The following RLIG1 variants were observed in gnomAD, a reference collection of about 807,000 sequenced individuals.
RLIG1 encodes the protein RNA ligase 1.
the RLIG1 span, among the ~76,000 whole-genome samples, chr12:88,038,504 A>G: frequency 1.3e-5 from 2 of 152,156 alleles, no homozygotes; most frequent in Non-Finnish European, 2.9e-5. Context: ...AAGAGTCAAG[A>G]GATTTGTTTT....
At chr12:88,040,184 A>C in the RLIG1 span, 3 of 1,611,072 alleles carry the variant, frequency 1.9e-6, no homozygotes, top group South Asian at 3.3e-5. Flanking sequence ...TGTAAGTCAC[A>C]AGGCATTAGA....
At chr12:88,049,736 G>C in the RLIG1 span, 1 of 176,490 alleles carries the variant, frequency 5.7e-6, no homozygotes, top group Admixed American at 6.3e-5. Flanking sequence ...AAAAGATTTT[G>C]TGATTCATAA....
At chr12:88,035,563 G>A in the RLIG1 span, 2 of 1,372,830 alleles carry the variant, frequency 1.5e-6, no homozygotes, top group South Asian at 1.2e-5. Flanking sequence ...TGAGCCGTGC[G>A]GGTGACTGCT....
At chr12:88,035,954 C>T in the RLIG1 span, 2 of 1,522,756 alleles carry the variant, frequency 1.3e-6, no homozygotes, top group East Asian at 2.5e-5. Flanking sequence ...AGGGAATTTG[C>T]GAAAGAATTT....
the RLIG1 span, chr12:88,035,622 C>T: frequency 6.3e-7 from 1 of 1,582,434 alleles, no homozygotes; most frequent in Admixed American, 1.8e-5. Flanking sequence ...AGCACGCCCT[C>T]CATTCGCACT....
the RLIG1 span, chr12:88,042,718 T>G: frequency 1.6e-5 from 10 of 623,504 alleles, no homozygotes; most frequent in African/African-American, 1.2e-4. Context: ...TCCCTTTGTC[T>G]TCTTTGAGAA....
chr12:88,049,374 TC>T, the RLIG1 span: 1 of 1,552,958 alleles, frequency 6.4e-7, no homozygotes, highest in South Asian at 1.2e-5. Context: ...AAATGAAGGA[TC>T]AAAATTTTCC....
the RLIG1 span, among the ~76,000 whole-genome samples, chr12:88,047,325 C>T: frequency 6.6e-6 from 1 of 151,988 alleles, no homozygotes. Context: ...AAAAAGAGTG[C>T]CAAGGTAGCA....
At chr12:88,048,344 T>TAAG in the RLIG1 span, 1 of 1,603,602 alleles carries the variant, frequency 6.2e-7, no homozygotes, top group African/African-American at 1.3e-5. Flanking sequence ...CCTTTGATAT[T>TAAG]AAGTGTTTGT....
At chr12:88,047,335 A>G in the RLIG1 span, among the ~76,000 whole-genome samples, 1 of 152,140 alleles carries the variant, frequency 6.6e-6, no homozygotes, top group African/African-American at 2.4e-5. Flanking sequence ...CCAAGGTAGC[A>G]GTTGATATAT....
chr12:88,046,629 A>T, the RLIG1 span, among the ~76,000 whole-genome samples: 1 of 152,168 alleles, frequency 6.6e-6, no homozygotes, highest in Non-Finnish European at 1.5e-5. Context: ...CCAAGGTGGA[A>T]TTTAGAGTTA....
At chr12:88,038,196 T>A in the RLIG1 span, among the ~76,000 whole-genome samples, 1 of 152,154 alleles carries the variant, frequency 6.6e-6, no homozygotes, top group South Asian at 2.1e-4. Flanking sequence ...ATCTCTAAGA[T>A]GGCATAGTGG....
At chr12:88,046,777 A>T in the RLIG1 span, 5 of 1,574,516 alleles carry the variant, frequency 3.2e-6, no homozygotes, top group Non-Finnish European at 4.3e-6. Context: ...CTTTAAATGA[A>T]TATGGCTAAT....
At chr12:88,046,299 A>G in the RLIG1 span, among the ~76,000 whole-genome samples, 1 of 152,140 alleles carries the variant, frequency 6.6e-6, no homozygotes, top group African/African-American at 2.4e-5. Flanking sequence ...CTATATGGAG[A>G]TCAAAAGAAG....
At chr12:88,043,497 A>G in the RLIG1 span, 2 of 655,644 alleles carry the variant, frequency 3.1e-6, no homozygotes, top group Non-Finnish European at 5.1e-6. Flanking sequence ...ATCACACCTG[A>G]TATTATGAGG....
At chr12:88,037,390 G>C in the RLIG1 span, among the ~76,000 whole-genome samples, 1 of 152,066 alleles carries the variant, frequency 6.6e-6, no homozygotes, top group Non-Finnish European at 1.5e-5. Context: ...GGAGAACTTT[G>C]TGTACCCCTC....
the RLIG1 span, chr12:88,048,274 A>ATACT: frequency 3.0e-5 from 48 of 1,595,864 alleles, no homozygotes; most frequent in South Asian, 4.1e-4. Flanking sequence ...CCAATTCCAG[A>ATACT]TACTTACATG....
chr12:88,047,798 A>G, the RLIG1 span, among the ~76,000 whole-genome samples: 1 of 152,212 alleles, frequency 6.6e-6, no homozygotes, highest in African/African-American at 2.4e-5. Flanking sequence ...AAACACACTC[A>G]CACTGTGTTT....
At chr12:88,045,049 G>C in the RLIG1 span, 1 of 152,380 alleles carries the variant, frequency 6.6e-6, no homozygotes, top group Admixed American at 6.5e-5. Context: ...TTCACTGGAG[G>C]CTAGGTGACC....
Sources: allele counts gnomAD v4.1 joint callset (sites outside exome capture counted in the v4.1 genomes callset), GRCh38; gene constraint gnomAD v4.1.1; transcripts MANE v1.5; gene names NCBI Gene and HGNC (gene_info 2026-07-23, HGNC 2026-07-21).